RGPD4: variants seen among roughly 807,000 people sequenced by gnomAD.
RGPD4 encodes the protein RANBP2 like and GRIP domain containing 4, also known as ranBP2-like and GRIP domain-containing protein 4.
In RGPD4, 84 loss-of-function variants were observed where a neutral mutation model predicts 141.1. That is an observed-to-expected ratio of 0.60 (90% CI 0.50 to 0.71). RGPD4 has a LOEUF of 0.71. RGPD4 is among the 30% of genes least tolerant of loss of function. The pLI is 0.00. For synonymous variants in RGPD4, 298 were observed against 566.8 expected, an observed-to-expected ratio of 0.53 and a Z score of 6.74; for missense variants, 918 against 1,622.4, an observed-to-expected ratio of 0.57 and a Z score of 7.46.
chr2:107,887,064 G>A (rs1277490589), intron 22 of RGPD4, among the ~76,000 whole-genome samples: 6 of 147,464 alleles, frequency 4.1e-5, no homozygotes, highest in African/African-American at 5.0e-5. Flanking sequence ...GCAACATGGC[G>A]AGACCCTATG....
intron 1 of RGPD4, among the ~76,000 whole-genome samples, chr2:107,829,629 C>A (rs962834993): frequency 2.5e-4 from 38 of 152,208 alleles, no homozygotes; most frequent in Non-Finnish European, 4.9e-4. Context: ...AGGCGCCGGC[C>A]GGCTGGCGCA....
intron 20 of RGPD4, among the ~76,000 whole-genome samples, chr2:107,878,783 TG>T (rs1381747046): frequency 1.8e-5 from 1 of 56,552 alleles, no homozygotes; most frequent in African/African-American, 6.3e-5. Flanking sequence ...AGGAGTCTGA[TG>T]TTCAAGGGCA....
chr2:107,881,404 G>A (rs543576393), intron 21 of RGPD4, among the ~76,000 whole-genome samples: 27 of 151,580 alleles, frequency 1.8e-4, no homozygotes, highest in South Asian at 6.2e-4. Flanking sequence ...TGCAATCTCC[G>A]CCTCCCAGGT....
rs540528088 is a variant in RGPD4 at position 107,871,073 on chromosome 2, AGAT to A, written c.3077_3079del (p.Asp1026del). 1,718 of 1,611,254 alleles carry A rather than the reference AGAT, an allele frequency of 1.1e-3. 28 individuals are homozygous for A. In the South Asian group the frequency reaches 0.018, roughly 17 times the overall value. On this transcript the variant is annotated inframe_deletion, in exon 20 of 23. Coordinates refer to ENST00000408999, the MANE Select transcript of RGPD4 (RefSeq NM_182588.3). ...CAAACACTTCCGGTGACTTTGAGAA[AGAT>A]GATGATGCCTATAAGACTGAGGACA...
intron 14 of RGPD4, 121 bp downstream of exon 14, chr2:107,861,452 C>T (rs1371368232): frequency 2.2e-6 from 1 of 462,164 alleles, no homozygotes; most frequent in Non-Finnish European, 4.0e-6. Flanking sequence ...CTCACTGCAA[C>T]CTCTGCTTCC....
chr2:107,885,152 C>A (rs1675477891), intron 22 of RGPD4, among the ~76,000 whole-genome samples: 1 of 151,878 alleles, frequency 6.6e-6, no homozygotes, highest in African/African-American at 2.4e-5. Context: ...ATTACAAATT[C>A]ACTGTCTTTA....
intron 1 of RGPD4, among the ~76,000 whole-genome samples, chr2:107,831,694 G>C (rs988854827): frequency 3.0e-5 from 4 of 133,238 alleles, no homozygotes; most frequent in Admixed American, 7.7e-5. Flanking sequence ...TCCTGCCCCA[G>C]CCTGTAGCTG....
chr2:107,877,350 G>A (rs1392765560), intron 20 of RGPD4, among the ~76,000 whole-genome samples: 1 of 151,312 alleles, frequency 6.6e-6, no homozygotes, highest in East Asian at 1.9e-4. Context: ...ACTCCAACCT[G>A]TGTGACAGAG....
chr2:107,831,595 A>G (rs1429613706), intron 1 of RGPD4, among the ~76,000 whole-genome samples: 6 of 7,630 alleles, frequency 7.9e-4, no homozygotes, highest in African/African-American at 4.1e-3. Context: ...TTTTTTTTTG[A>G]GACGGAGTCT....
intron 1 of RGPD4, among the ~76,000 whole-genome samples, chr2:107,829,552 G>A (rs1436890701): frequency 7.6e-5 from 11 of 145,208 alleles, no homozygotes; most frequent in African/African-American, 1.1e-4. Context: ...GACCTGGCCC[G>A]GCGGCGGCCT....
At chr2:107,884,213 C>A (rs1439309216) in intron 22 of RGPD4, among the ~76,000 whole-genome samples, 1 of 152,022 alleles carries the variant, frequency 6.6e-6, no homozygotes, top group Non-Finnish European at 1.5e-5. Context: ...CGGATTCAAG[C>A]GATTCTCCTG....
At chr2:107,846,447 G>C (rs1006049716) in intron 6 of RGPD4, among the ~76,000 whole-genome samples, 1 of 151,904 alleles carries the variant, frequency 6.6e-6, no homozygotes, top group East Asian at 1.9e-4. Context: ...AATGTAATAA[G>C]CCCTACTGTG....
chr2:107,871,275 G>A lies in RGPD4; in HGVS notation c.3271G>A (p.Glu1091Lys), dbSNP rs567444852. The change falls in exon 20 of 23, where the codon GAG (glutamate) becomes AAG (lysine). Residue 1091 changes from glutamate (E) to lysine (K), a missense_variant. Physicochemically the swap from Glu to Lys is moderately conservative, Grantham distance 56. Transcript: ENST00000408999. The part of the protein sequence containing the change: ...GLGNLKILKN[E>K]VNGKPRMLMR... ...GGGGAACTTAAAAATTCTCAAAAAC[G>A]AGGTCAATGGCAAACCAAGAATGCT... is the stretch of plus-strand genomic sequence containing the variant. The A allele has an allele frequency of 3.7e-4, 591 of 1,607,632 alleles. 2 individuals are homozygous for A. Among genetic ancestry groups the A allele is most frequent in the Non-Finnish European group, 4.4e-4 (521 of 1,179,362 alleles).
rs756895020 is a variant in RGPD4 at position 107,872,656 on chromosome 2, G to A, written c.4652G>A (p.Ser1551Asn). Residue 1551 changes from serine to asparagine, a missense_variant, in exon 20 of 23, where the codon AGT (serine) becomes AAT (asparagine). Ser to Asn is a conservative substitution (Grantham distance 46). Coordinates refer to ENST00000408999, the MANE Select transcript of RGPD4 (RefSeq NM_182588.3). ...TCAGAGTCTGTTAAAAGAATTTTTA[G>A]TAGTGAAAAATCAAAACCATTTGCA... ...FGSESVKRIF[S>N]SEKSKPFAFG... The A allele has an allele frequency of 6.2e-7, 1 of 1,610,188 alleles. No homozygotes were observed. The highest frequency in any genetic ancestry group is 2.2e-5 in the East Asian group (1 of 44,854).
chr2:107,884,943 C>T (rs1444723134), intron 22 of RGPD4, among the ~76,000 whole-genome samples: 2 of 151,176 alleles, frequency 1.3e-5, no homozygotes, highest in African/African-American at 4.9e-5. Context: ...TTTTTACAGA[C>T]ATACTTCATA....
rs552179889 is a variant in RGPD4, at chr2:107,882,821, G to A, written c.5214G>A (p.Thr1738=). 16 of 1,610,844 alleles carry A rather than the reference G, an allele frequency of 9.9e-6. No homozygotes were observed. The South Asian group carries it at 1.1e-4, about 11-fold the overall frequency. ...AGAGACTTCTTCCTGTTATAAATACGATGTTGCAGCTCAGCCCTGAAGAAA... is the reference window on the plus strand; with the variant it reads ...AGAGACTTCTTCCTGTTATAAATACAATGTTGCAGCTCAGCCCTGAAGAAA... ...ERERLLPVIN[T]MLQLSPEEKG... Residue 1738 remains threonine, a synonymous_variant, in exon 22 of 23, where the codon ACG becomes ACA. Transcript: ENST00000408999.
intron 7 of RGPD4, among the ~76,000 whole-genome samples, chr2:107,849,362 C>CTTTTTT (rs60901392): frequency 2.7e-5 from 2 of 73,412 alleles, no homozygotes; most frequent in South Asian, 5.8e-4. Flanking sequence ...CGCGCCTGGC[C>CTTTTTT]TTTTTTTTTT....
intron 1 of RGPD4, among the ~76,000 whole-genome samples, chr2:107,833,144 G>T (rs1319710524): frequency 6.7e-6 from 1 of 148,610 alleles, no homozygotes; most frequent in Non-Finnish European, 1.5e-5. Flanking sequence ...AGATGGGTTT[G>T]TTGAGAACAG....
At chr2:107,875,525 G>T (rs1244797736) in intron 20 of RGPD4, among the ~76,000 whole-genome samples, 1 of 141,858 alleles carries the variant, frequency 7.0e-6, no homozygotes, top group Admixed American at 7.3e-5. Context: ...CTTCATGACT[G>T]GCTTACTTTA....
Sources: gnomAD v4.1 joint callset for allele counts (sites outside exome capture counted in the v4.1 genomes callset) on GRCh38, gnomAD v4.1.1 for gene constraint, MANE v1.5 for transcripts, NCBI Gene and HGNC (gene_info 2026-07-23, HGNC 2026-07-21) for gene names.